EPS15: variants seen among roughly 807,000 people sequenced by gnomAD.
EPS15 encodes epidermal growth factor receptor pathway substrate 15.
In EPS15, 72 loss-of-function variants were observed where a neutral mutation model predicts 113.8. The ratio of observed to expected loss-of-function variants is 0.63; its 90% CI spans 0.52 to 0.77. The LOEUF (loss-of-function observed/expected upper bound fraction) is 0.77. EPS15 is among the 30% of genes least tolerant of loss of function. EPS15 has a pLI of 0.00. For synonymous variants in EPS15, 344 were observed against 363.4 expected (o/e 0.95, Z 0.61); for missense variants, 1,048 against 1,045.8 (o/e 1.00, Z -0.03).
chr1:51,396,877 T>A (rs187476583), intron 20 of EPS15, among the ~76,000 whole-genome samples: 2 of 152,026 alleles, frequency 1.3e-5, no homozygotes, highest in Admixed American at 6.6e-5. Flanking sequence ...CAACTTAATC[T>A]ATCTTTTTTT....
chr1:51,496,715 A>G (rs1194844316), intron 1 of EPS15, among the ~76,000 whole-genome samples: 1 of 152,168 alleles, frequency 6.6e-6, no homozygotes, highest in African/African-American at 2.4e-5. Context: ...AAAATACTGC[A>G]GTTTTCTGTT....
chr1:51,433,040 GAACTAA>G (rs1273043742), intron 12 of EPS15, among the ~76,000 whole-genome samples: 1 of 152,094 alleles, frequency 6.6e-6, no homozygotes, highest in Admixed American at 6.6e-5. Context: ...TATTTGAACT[GAACTAA>G]AACAAAAACA....
intron 1 of EPS15, among the ~76,000 whole-genome samples, chr1:51,491,365 A>C (rs994462977): frequency 6.6e-6 from 1 of 152,164 alleles, no homozygotes; most frequent in Non-Finnish European, 1.5e-5. Context: ...CCACCCTTTA[A>C]AGATAGAATA....
At chr1:51,519,027 G>C (rs1228048686) in intron 1 of EPS15, among the ~76,000 whole-genome samples, 172 bp downstream of exon 1, 4 of 151,336 alleles carry the variant, frequency 2.6e-5, no homozygotes, top group Non-Finnish European at 5.9e-5. Flanking sequence ...CTCCGGCTCC[G>C]GAGGGCGCCC....
intron 21 of EPS15, among the ~76,000 whole-genome samples, chr1:51,385,773 A>C (rs1171251737): frequency 6.6e-6 from 1 of 152,224 alleles, no homozygotes; most frequent in Admixed American, 6.5e-5. Flanking sequence ...CCTTGAGGAC[A>C]TTATGGTAAA....
Position 51,487,338 on chromosome 1 carries a change from C to T in EPS15, c.34-6024G>A, listed in dbSNP as rs375244628. On this transcript the variant is annotated intron_variant, in intron 1 of 24. Transcript: ENST00000371733. ...ATGTTAAAAACTTTGTTATAATGTA[C>T]AACAAAATGTTTTAGAAATTGTTTT... is the stretch of plus-strand genomic sequence containing the variant. Among the ~76,000 whole-genome samples the T allele has an allele frequency of 3.3e-5, 5 of 152,024 alleles. No homozygotes were observed. In the East Asian group the frequency reaches 7.7e-4, roughly 23 times the overall value.
chr1:51,390,980 C>T (rs149814779), intron 21 of EPS15, among the ~76,000 whole-genome samples: 5,762 of 152,186 alleles, frequency 0.038, 168 homozygotes, highest in Middle Eastern at 0.11. Context: ...ACCCAAAGGA[C>T]TATAAATCAT....
intron 8 of EPS15, chr1:51,458,726 G>A: frequency 1.8e-5 from 4 of 220,326 alleles, no homozygotes; most frequent in South Asian, 1.2e-4. Flanking sequence ...GACAGAGTGA[G>A]ACTCCGTCTA....
At chr1:51,490,883 G>A (rs1644220753) in intron 1 of EPS15, among the ~76,000 whole-genome samples, 1 of 152,130 alleles carries the variant, frequency 6.6e-6, no homozygotes, top group Admixed American at 6.6e-5. Context: ...TAAGGTCTGT[G>A]GGTTATACCA....
chr1:51,484,037 G>A (rs537180139), intron 1 of EPS15, among the ~76,000 whole-genome samples: 42 of 152,226 alleles, frequency 2.8e-4, no homozygotes, highest in African/African-American at 9.6e-4. Context: ...GTTGAGCCAC[G>A]GAGGTCAAAG....
intron 21 of EPS15, chr1:51,372,972 C>T: frequency 2.3e-6 from 1 of 427,176 alleles, no homozygotes; most frequent in Non-Finnish European, 4.0e-6. Context: ...TGCCAGACAT[C>T]AGCCTGCAGC....
intron 1 of EPS15, among the ~76,000 whole-genome samples, chr1:51,482,692 CTGATCTCAAG>C (rs1055864927): frequency 2.0e-5 from 3 of 152,070 alleles, no homozygotes; most frequent in African/African-American, 7.2e-5. Flanking sequence ...TCTCGAACTC[CTGATCTCAAG>C]TGATCCACCC....
At chr1:51,439,627 A>C (rs1284702323) in intron 12 of EPS15, among the ~76,000 whole-genome samples, 2 of 152,122 alleles carry the variant, frequency 1.3e-5, no homozygotes, top group Non-Finnish European at 2.9e-5. Flanking sequence ...TTAAGGAAGT[A>C]CCAATAATAT....
chr1:51,435,304 G>A lies in EPS15; in HGVS notation c.1040+5043C>T, dbSNP rs182254743. 1.6e-4 allele frequency among the ~76,000 whole-genome samples: 25 copies of A among 151,710 alleles called. 1 individual carries two copies. In the East Asian group the frequency reaches 3.3e-3, roughly 20 times the overall value. On this transcript the variant is annotated intron_variant, in intron 12 of 24. Transcript: ENST00000371733. ...TGCCACCCAGGTTCAAGCGATTCTC[G>A]TGTCTCAGCCTCCTGAGTAGCTGGG...
At chr1:51,452,637 T>C (rs1199838479) in intron 8 of EPS15, among the ~76,000 whole-genome samples, 1 of 152,204 alleles carries the variant, frequency 6.6e-6, no homozygotes, top group Non-Finnish European at 1.5e-5. Flanking sequence ...GAAGCTAAGA[T>C]GCTAAGTAAC....
chr1:51,430,664 A>C (rs1651633327), intron 12 of EPS15, among the ~76,000 whole-genome samples: 1 of 152,104 alleles, frequency 6.6e-6, no homozygotes, highest in Non-Finnish European at 1.5e-5. Flanking sequence ...TTTTAAATTA[A>C]AAGTTCCTTT....
At chr1:51,381,182 A>G (rs868284742) in intron 21 of EPS15, among the ~76,000 whole-genome samples, 1 of 152,186 alleles carries the variant, frequency 6.6e-6, no homozygotes, top group African/African-American at 2.4e-5. Flanking sequence ...AGAACACTCC[A>G]CCCAACAATA....
chr1:51,464,510 G>C (rs2148503810), intron 6 of EPS15, among the ~76,000 whole-genome samples: 1 of 152,100 alleles, frequency 6.6e-6, no homozygotes, highest in Admixed American at 6.6e-5. Flanking sequence ...AAAGTGCTGG[G>C]ATTACAGGCA....
chr1:51,463,409 T>A, intron 7 of EPS15: 1 of 273,596 alleles, frequency 3.7e-6, no homozygotes, highest in Admixed American at 4.9e-5. Context: ...GTCAAGAGTG[T>A]ACAGCACAAA....
Sources: gnomAD v4.1 joint callset for allele counts (sites outside exome capture counted in the v4.1 genomes callset) on GRCh38, gnomAD v4.1.1 for gene constraint, MANE v1.5 for transcripts, NCBI Gene and HGNC (gene_info 2026-07-23, HGNC 2026-07-21) for gene names.